HEXD: variants seen among roughly 807,000 people sequenced by gnomAD.
HEXD encodes the protein N-acetyl-beta-galactosaminidase.
HEXD carries 47 observed loss-of-function variants against 54.2 expected under a neutral mutation model. That is an observed-to-expected ratio of 0.87 (90% CI 0.69 to 1.11). The LOEUF is 1.11. Among genes scored for constraint, HEXD ranks in the 50% least tolerant of loss-of-function variants. The pLI, the probability that HEXD is intolerant of heterozygous loss-of-function variation, is 0.00. For synonymous variants in HEXD, 293 were observed against 287.6 expected (o/e 1.02, Z -0.19); for missense variants, 576 against 649.2 (o/e 0.89, Z 1.23).
intron 1 of HEXD, among the ~76,000 whole-genome samples, chr17:82,419,328 C>T (rs2053162455): frequency 6.6e-6 from 1 of 152,134 alleles, no homozygotes; most frequent in Non-Finnish European, 1.5e-5. Context: ...TCTAGAAATA[C>T]AAATTAGTTT....
At chr17:82,429,290 C>G (rs569196441) in intron 4 of HEXD, among the ~76,000 whole-genome samples, 2 of 151,760 alleles carry the variant, frequency 1.3e-5, no homozygotes, top group Non-Finnish European at 2.9e-5. Flanking sequence ...TATTCTTTTT[C>G]CTGTCTGCAT....
At position 82,433,745 on chromosome 17, in the gene HEXD, G is replaced by A; in HGVS notation, c.370G>A (p.Ala124Thr). Residue 124 changes from alanine (A) to threonine (T), a missense_variant, in exon 5 of 13, where the codon GCG becomes ACG. Transcript: ENST00000327949. ...TLNPHEAESL[A>T]LVGAMIDQVL... Reference sequence around the variant, plus strand: ...GAACCCCCACGAGGCAGAGTCCCTGGCGCTGGTGGGCGCCATGATTGACCA... The same window carrying A: ...GAACCCCCACGAGGCAGAGTCCCTGACGCTGGTGGGCGCCATGATTGACCA... The A allele has an allele frequency of 6.2e-7, 1 of 1,613,212 alleles. No individual in the cohort carries two copies. Among genetic ancestry groups the A allele is most frequent in the Non-Finnish European group, 8.5e-7 (1 of 1,179,870 alleles).
intron 9 of HEXD, among the ~76,000 whole-genome samples, 193 bp from the exon 10 acceptor site, chr17:82,440,804 G>A (rs1035969725): frequency 3.3e-5 from 5 of 152,232 alleles, no homozygotes; most frequent in Non-Finnish European, 5.9e-5. Context: ...CGTATTTCAC[G>A]TGTTTAAAGA....
At chr17:82,421,487 T>G (rs558781583) in intron 2 of HEXD, among the ~76,000 whole-genome samples, 2 of 152,150 alleles carry the variant, frequency 1.3e-5, no homozygotes, top group Non-Finnish European at 2.9e-5. Flanking sequence ...GAGGGGGCCT[T>G]GAGGCTGGCC....
intron 4 of HEXD, among the ~76,000 whole-genome samples, chr17:82,433,180 G>A (rs1433072365): frequency 3.1e-5 from 4 of 129,794 alleles, no homozygotes; most frequent in East Asian, 2.3e-4. Flanking sequence ...GGTGGTTCAC[G>A]CCTGTAATCC....
At chr17:82,432,748 T>C (rs1471744863) in intron 4 of HEXD, among the ~76,000 whole-genome samples, 1 of 151,872 alleles carries the variant, frequency 6.6e-6, no homozygotes, top group Non-Finnish European at 1.5e-5. Context: ...GCCACTTTTT[T>C]TTCTTAAACC....
Position 82,442,281 on chromosome 17 carries a change from C to T in HEXD, c.1358C>T (p.Pro453Leu), listed in dbSNP as rs756773573. Residue 453 changes from proline (P) to leucine (L), a missense_variant, in exon 13 of 13, where the codon CCC becomes CTC. By Grantham distance (98) the Pro-to-Leu change is moderately conservative. Coordinates refer to ENST00000327949, the MANE Select transcript of HEXD (RefSeq NM_001330542.2). This position sits in a 1 kb window ranked among gnomAD's most constrained non-coding sequence, Gnocchi z 6.8. ...VEEWLEENVH[P>L]SLQRLQALLQ... Reference sequence around the variant, plus strand: ...GAGTGGCTGGAGGAAAACGTGCACCCCAGCCTGCAGCGGCTGCAAGCTCTG... The same window carrying T: ...GAGTGGCTGGAGGAAAACGTGCACCTCAGCCTGCAGCGGCTGCAAGCTCTG... 1.9e-6 allele frequency: 3 copies of T among 1,607,632 alleles called. No individual in the cohort carries two copies. Among genetic ancestry groups the T allele is most frequent in the Non-Finnish European group, 2.5e-6 (3 of 1,179,924 alleles).
At chr17:82,430,740 T>G (rs2053553074) in intron 4 of HEXD, among the ~76,000 whole-genome samples, 1 of 150,434 alleles carries the variant, frequency 6.6e-6, no homozygotes, top group Non-Finnish European at 1.5e-5. Flanking sequence ...TTTTGCCCAT[T>G]TTTTTTTTCA....
At chr17:82,440,277 G>C in intron 9 of HEXD, 1 of 1,283,440 alleles carries the variant, frequency 7.8e-7, no homozygotes, top group Non-Finnish European at 1.0e-6. Flanking sequence ...AAAAATGGCC[G>C]AGACGCGCGG....
chr17:82,423,873 C>T (rs2143403843), intron 2 of HEXD, among the ~76,000 whole-genome samples: 1 of 151,998 alleles, frequency 6.6e-6, no homozygotes, highest in East Asian at 1.9e-4. Context: ...GGGGAAGGGA[C>T]CCCATGAGTA....
rs975624429 is a variant in HEXD at position 82,434,905 on chromosome 17, G to A, written c.448-784G>A. Among the ~76,000 whole-genome samples the A allele has an allele frequency of 6.6e-6, 1 of 151,812 alleles. No individual in the cohort carries two copies. Among genetic ancestry groups the A allele is most frequent in the African/African-American group, 2.4e-5 (1 of 41,290 alleles). On this transcript the variant is annotated intron_variant, in intron 5 of 12. Coordinates refer to ENST00000327949, the MANE Select transcript of HEXD (RefSeq NM_001330542.2). The surrounding 1 kb of genome is among the most constrained non-coding windows in gnomAD (Gnocchi z 4.5). ...TCACACTTGTGATCCCAGCACTTTG[G>A]GAGGCTGAGGCAGGTGGACCACCTG...
At chr17:82,420,520 GC>G (rs1410523978) in intron 2 of HEXD, 1 of 152,244 alleles carries the variant, frequency 6.6e-6, no homozygotes, top group African/African-American at 2.4e-5. Flanking sequence ...TGGACTTAGG[GC>G]CTCCAGAACT....
rs371504207 is a variant in HEXD at position 82,428,400 on chromosome 17, T to C, written c.195-158T>C. Among the ~76,000 whole-genome samples the C allele has an allele frequency of 2.2e-3, 329 of 152,328 alleles. 1 individual carries two copies. Among genetic ancestry groups the C allele is most frequent in the African/African-American group, 6.9e-3 (288 of 41,562 alleles). On this transcript the variant is annotated intron_variant, in intron 3 of 12. Coordinates refer to ENST00000327949, the MANE Select transcript of HEXD (RefSeq NM_001330542.2). ...CTTCCCAAATTTTGGAGCAGGTACC[T>C]TTCCAGAAATCAGGATACCTGTCAA...
At chr17:82,435,949 G>A (rs2053749662) in intron 6 of HEXD, 77 bp downstream of exon 6, 4 of 1,449,080 alleles carry the variant, frequency 2.8e-6, no homozygotes, top group Non-Finnish European at 3.7e-6. Context: ...AGAAGGTGCT[G>A]TAGGAAGTGG....
chr17:82,428,485 A>T lies in HEXD; in HGVS notation c.195-73A>T, dbSNP rs529715764. The stretch of plus-strand genomic sequence containing the variant: ...AGAGCCCCCCAGGGCCTGATGAGGA[A>T]GGGCTGGGGGGGTGGGTGTGGAAGT... On this transcript the variant is annotated intron_variant, in intron 3 of 12. Transcript: ENST00000327949. 5.4e-6 allele frequency: 7 copies of T among 1,291,608 alleles called. No homozygotes were observed. In the Admixed American group the frequency reaches 8.6e-5, roughly 16 times the overall value. The allele number at this position is 1,291,608 out of a possible 1,614,324, so 80.0% of individuals were successfully genotyped here.
chr17:82,441,022 G>C lies in HEXD; in HGVS notation c.1008G>C (p.Ala336=), dbSNP rs574960397. 6.2e-7 allele frequency: 1 copy of C among 1,613,580 alleles called. No individual in the cohort carries two copies. The highest frequency in any genetic ancestry group is 8.5e-7 in the Non-Finnish European group (1 of 1,180,018). Residue 336 remains alanine (A), a synonymous_variant, in exon 10 of 13, where the codon GCG becomes GCC. Transcript: ENST00000327949. ...LRGGFDEDVK[A]KVENLLGISS... ...GAGGATTTGATGAAGATGTTAAAGC[G>C]AAAGTGGAGAACCTTCTCGGGATTT...
chr17:82,418,384 C>G lies in HEXD; in HGVS notation c.-408C>G, dbSNP rs2053124034. 2 of 1,453,792 alleles carry G rather than the reference C, an allele frequency of 1.4e-6. No individual in the cohort carries two copies. The highest frequency in any genetic ancestry group is 3.0e-5 in the African/African-American group (2 of 67,486). The allele number at this position is 1,453,792 out of a possible 1,614,324, so 90.1% of individuals were successfully genotyped here. A position where few individuals can be genotyped will look rare whatever the true frequency, so the allele number is the denominator to read the frequency against. ...TCCATGGCCCTGTCCGCCGCCGCAG[C>G]GCGCGCCCTTCCCCTCCTCACCGCT... On this transcript the variant is annotated 5_prime_UTR_variant, in exon 1 of 13. Transcript: ENST00000327949.
rs997149089 is a variant in HEXD at position 82,422,622 on chromosome 17, G to A, written c.85-1772G>A. On this transcript the variant is annotated intron_variant, in intron 2 of 12. Coordinates refer to ENST00000327949, the MANE Select transcript of HEXD (RefSeq NM_001330542.2). ...TAATGAAGACTAAACTATAAGAAGT[G>A]TACAAGTGAGTAGACACCATGGAAA... 4.6e-5 allele frequency among the ~76,000 whole-genome samples: 7 copies of A among 152,210 alleles called. 1 individual carries two copies. In the East Asian group the frequency reaches 1.3e-3, roughly 29 times the overall value.
Position 82,441,245 on chromosome 17 carries a change from A to T in HEXD, c.1142A>T (p.Asp381Val). Residue 381 changes from aspartate to valine, a missense_variant, in exon 11 of 13, where the codon GAT (aspartate) becomes GTT (valine). Physicochemically the swap from Asp to Val is radical, Grantham distance 152. Coordinates refer to ENST00000327949, the MANE Select transcript of HEXD (RefSeq NM_001330542.2). ...AGCCTCCATCTGCGCAGCTCTGTGGATGCGCTGCTGGAGGGCAACAGGTGA... is the reference window on the plus strand; with the variant it reads ...AGCCTCCATCTGCGCAGCTCTGTGGTTGCGCTGCTGGAGGGCAACAGGTGA... ...QVSLHLRSSV[D>V]ALLEGNRYVT... The T allele has an allele frequency of 6.5e-7, 1 of 1,542,582 alleles. No homozygotes were observed. The highest frequency in any genetic ancestry group is 8.8e-7 in the Non-Finnish European group (1 of 1,136,874).
Sources: allele counts gnomAD v4.1 joint callset (sites outside exome capture counted in the v4.1 genomes callset), GRCh38; gene constraint gnomAD v4.1.1; non-coding constraint Gnocchi (gnomAD v3.1); transcripts MANE v1.5; gene names NCBI Gene and HGNC (gene_info 2026-07-23, HGNC 2026-07-21).